The following ENTREP2 variants were observed in gnomAD, a reference collection of about 807,000 sequenced individuals.
ENTREP2 encodes the protein endosomal transmembrane epsin interactor 2.
chr15:29,628,678 CA>C, the ENTREP2 span, among the ~76,000 whole-genome samples: 1 of 152,128 alleles, frequency 6.6e-6, no homozygotes, highest in East Asian at 1.9e-4. Flanking sequence ...TTACTTCATG[CA>C]TTTTGATGTT....
the ENTREP2 span, among the ~76,000 whole-genome samples, chr15:29,345,353 G>A: frequency 6.6e-6 from 1 of 152,100 alleles, no homozygotes; most frequent in African/African-American, 2.4e-5. Flanking sequence ...AGCCGAGTGG[G>A]GCTAGCGGGG....
the ENTREP2 span, among the ~76,000 whole-genome samples, chr15:29,322,158 G>T: frequency 1.3e-5 from 2 of 151,794 alleles, no homozygotes; most frequent in Non-Finnish European, 2.9e-5. Context: ...TTTTTTAATT[G>T]ACAAACTTAT....
At chr15:29,255,931 G>A in the ENTREP2 span, among the ~76,000 whole-genome samples, 1 of 150,512 alleles carries the variant, frequency 6.6e-6, no homozygotes, top group East Asian at 2.0e-4. Context: ...AACCCGGGAG[G>A]CGGAGCTTGC....
chr15:29,456,118 GA>G, the ENTREP2 span, among the ~76,000 whole-genome samples: 1 of 152,110 alleles, frequency 6.6e-6, no homozygotes, highest in East Asian at 1.9e-4. Flanking sequence ...CCTGTCCATG[GA>G]AAAATTGTCT....
chr15:29,244,424 G>A, the ENTREP2 span, among the ~76,000 whole-genome samples: 2 of 152,218 alleles, frequency 1.3e-5, no homozygotes, highest in Non-Finnish European at 2.9e-5. Flanking sequence ...CTTTTTCCCT[G>A]TAAATCCTCA....
At chr15:29,293,439 G>A in the ENTREP2 span, among the ~76,000 whole-genome samples, 1 of 141,312 alleles carries the variant, frequency 7.1e-6, no homozygotes, top group African/African-American at 2.5e-5. Flanking sequence ...TTTTTTTTTA[G>A]TAGAGACAGG....
chr15:29,407,418 C>T, the ENTREP2 span, among the ~76,000 whole-genome samples: 1 of 152,184 alleles, frequency 6.6e-6, no homozygotes, highest in African/African-American at 2.4e-5. Flanking sequence ...TCCAACAGCC[C>T]TGAGGTCTCC....
At chr15:29,521,198 C>CA in the ENTREP2 span, among the ~76,000 whole-genome samples, 1 of 152,190 alleles carries the variant, frequency 6.6e-6, no homozygotes, top group African/African-American at 2.4e-5. Flanking sequence ...AAAATGTCAA[C>CA]ACTCCCAGTG....
chr15:29,591,010 C>T, the ENTREP2 span, among the ~76,000 whole-genome samples: 6 of 152,306 alleles, frequency 3.9e-5, no homozygotes, highest in African/African-American at 1.4e-4. Flanking sequence ...AACCTTCAAA[C>T]ATTGCTGTCA....
the ENTREP2 span, chr15:29,151,815 G>A: frequency 6.4e-7 from 1 of 1,551,524 alleles, no homozygotes; most frequent in East Asian, 2.4e-5. Flanking sequence ...ACAGGACGTT[G>A]AGGGCACACA....
chr15:29,329,772 A>G, the ENTREP2 span, among the ~76,000 whole-genome samples: 1 of 152,250 alleles, frequency 6.6e-6, no homozygotes, highest in Non-Finnish European at 1.5e-5. Context: ...CCAACTTTTA[A>G]CAATAAAGTA....
chr15:29,483,492 T>A, the ENTREP2 span, among the ~76,000 whole-genome samples: 1 of 152,254 alleles, frequency 6.6e-6, no homozygotes, highest in Non-Finnish European at 1.5e-5. Flanking sequence ...TATGATCTAT[T>A]TTAAAGTGCA....
At chr15:29,364,085 A>T in the ENTREP2 span, among the ~76,000 whole-genome samples, 2,200 of 152,298 alleles carry the variant, frequency 0.014, 68 homozygotes, top group African/African-American at 0.051. Context: ...AAGGAAAAAA[A>T]CTTTCCTCTA....
At chr15:29,474,019 AC>A in the ENTREP2 span, among the ~76,000 whole-genome samples, 1 of 151,750 alleles carries the variant, frequency 6.6e-6, no homozygotes, top group Non-Finnish European at 1.5e-5. Flanking sequence ...CAACCTTCAA[AC>A]CCCCATCTAC....
At chr15:29,485,184 C>T in the ENTREP2 span, among the ~76,000 whole-genome samples, 2 of 152,056 alleles carry the variant, frequency 1.3e-5, no homozygotes, top group African/African-American at 2.4e-5. Flanking sequence ...GTAAATGGTT[C>T]GCAGCAACCA....
At chr15:29,618,142 G>C in the ENTREP2 span, among the ~76,000 whole-genome samples, 238 of 152,246 alleles carry the variant, frequency 1.6e-3, no homozygotes, top group African/African-American at 5.5e-3. Flanking sequence ...TTTTCACAGA[G>C]GCCGGGCGTG....
At chr15:29,564,148 C>T in the ENTREP2 span, among the ~76,000 whole-genome samples, 9 of 152,154 alleles carry the variant, frequency 5.9e-5, no homozygotes, top group Non-Finnish European at 8.8e-5. Flanking sequence ...GGATACCTTT[C>T]CCATTTGGCT....
the ENTREP2 span, among the ~76,000 whole-genome samples, chr15:29,542,950 C>A: frequency 6.6e-6 from 1 of 152,028 alleles, no homozygotes; most frequent in Non-Finnish European, 1.5e-5. Flanking sequence ...ATGGAGAGAC[C>A]CCATTTTATT....
the ENTREP2 span, chr15:29,196,768 TAGAAA>T: frequency 2.0e-6 from 1 of 499,814 alleles, no homozygotes; most frequent in Non-Finnish European, 3.5e-6. Context: ...CAGCAATGTA[TAGAAA>T]AAGCAAAAGT....
Sources: allele counts gnomAD v4.1 joint callset (sites outside exome capture counted in the v4.1 genomes callset), GRCh38; gene constraint gnomAD v4.1.1; transcripts MANE v1.5; gene names NCBI Gene and HGNC (gene_info 2026-07-23, HGNC 2026-07-21).